The following AFG3L2 variants were observed in gnomAD, a reference collection of about 807,000 sequenced individuals.
AFG3L2 encodes AFG3 like matrix AAA peptidase subunit 2, also known as mitochondrial inner membrane m-AAA protease component AFG3L2.
In AFG3L2, 54 loss-of-function variants were observed where a neutral mutation model predicts 94.5. That is an observed-to-expected ratio of 0.57 (90% CI 0.46 to 0.72). The LOEUF is 0.72. Ranked by LOEUF, AFG3L2 falls within the 30% of genes least tolerant of loss-of-function variation. AFG3L2 has a pLI of 0.00. For missense variants in AFG3L2, 754 were observed against 994.9 expected (o/e 0.76, Z 3.26); for synonymous variants, 377 against 365.5 (o/e 1.03, Z -0.36).
chr18:12,337,557 G>T, intron 15 of AFG3L2, 22 bp from the exon 16 acceptor site: 3 of 1,610,666 alleles, frequency 1.9e-6, no homozygotes, highest in East Asian at 2.2e-5. Flanking sequence ...ATAATTAGTG[G>T]TGATTACATA....
At chr18:12,331,188 C>A (rs551896747) in intron 16 of AFG3L2, among the ~76,000 whole-genome samples, 1 of 152,174 alleles carries the variant, frequency 6.6e-6, no homozygotes, top group Non-Finnish European at 1.5e-5. Context: ...CAGTCACATG[C>A]GAGCAGGTAT....
chr18:12,369,547 A>G (rs1292967213), intron 3 of AFG3L2, among the ~76,000 whole-genome samples: 1 of 151,580 alleles, frequency 6.6e-6, no homozygotes, highest in Non-Finnish European at 1.5e-5. Flanking sequence ...CTTGGCCAAC[A>G]TGGTGAAACC....
rs767868939 is a variant in AFG3L2, at chr18:12,351,140, G to C, written c.1497C>G (p.Thr499=). 3.7e-6 allele frequency: 6 copies of C among 1,613,844 alleles called. No homozygotes were observed. The highest frequency in any genetic ancestry group is 4.2e-6 in the Non-Finnish European group (5 of 1,180,012). The change falls in exon 12 of 17, where the codon ACC becomes ACG. Residue 499 remains threonine, a synonymous_variant. Coordinates refer to ENST00000269143, the MANE Select transcript of AFG3L2 (RefSeq NM_006796.3). ...VHLRPLKLDS[T]LEKDKLARKL... ...TTCTTGCCAATTTATCCTTCTCCAG[G>C]GTACTGTCCAGTTTTAGCGGTCGGA...
chr18:12,354,979 G>A (rs1007539957), intron 9 of AFG3L2, among the ~76,000 whole-genome samples: 12 of 152,054 alleles, frequency 7.9e-5, no homozygotes, highest in Non-Finnish European at 1.6e-4. Context: ...CTTTAGGAGG[G>A]CAAGGCAGGG....
rs1478579517 is a variant in AFG3L2 at position 12,340,386 on chromosome 18, G to A, written c.1795C>T (p.Arg599Cys). ...TGAGCATAACCTAGTCCTTTGCCACGTGGGATGATGGATACCTGGTAAGTA... is the reference window on the plus strand; with the variant it reads ...TGAGCATAACCTAGTCCTTTGCCACATGGGATGATGGATACCTGGTAAGTA... ...DPLLKVSIIP[R>C]GKGLGYAQYL... Residue 599 changes from arginine (R) to cysteine (C), a missense_variant, in exon 15 of 17, where the codon CGT becomes TGT. Coordinates refer to ENST00000269143, the MANE Select transcript of AFG3L2 (RefSeq NM_006796.3). 9.9e-6 allele frequency: 16 copies of A among 1,613,574 alleles called. No homozygotes were observed. The highest frequency in any genetic ancestry group is 1.7e-5 in the Admixed American group (1 of 60,004).
intron 6 of AFG3L2, 86 bp downstream of exon 6, chr18:12,363,696 A>C: frequency 9.5e-7 from 1 of 1,056,160 alleles, no homozygotes; most frequent in South Asian, 1.3e-5. Flanking sequence ...TATAACTCCT[A>C]GAGTATGAGG....
chr18:12,334,641 T>C (rs985696241), intron 16 of AFG3L2, among the ~76,000 whole-genome samples: 9 of 152,300 alleles, frequency 5.9e-5, no homozygotes, highest in African/African-American at 1.2e-4. Context: ...GTCTTGGTTT[T>C]ACAGCTCTGC....
intron 9 of AFG3L2, among the ~76,000 whole-genome samples, chr18:12,354,132 ACCC>A (rs1555672008): frequency 1.8e-5 from 1 of 55,840 alleles, no homozygotes; most frequent in Non-Finnish European, 3.4e-5. Context: ...GCCCACTCCC[ACCC>A]CCCCCCCCCC....
At chr18:12,330,203 G>A (rs1907475425) in intron 16 of AFG3L2, among the ~76,000 whole-genome samples, 1 of 152,196 alleles carries the variant, frequency 6.6e-6, no homozygotes, top group Admixed American at 6.5e-5. Context: ...GTGTGCGCCT[G>A]TAGTCCCAGC....
At chr18:12,366,938 C>G (rs16977144) in intron 5 of AFG3L2, 27 bp downstream of exon 5, 1 of 1,613,586 alleles carries the variant, frequency 6.2e-7, no homozygotes, top group Non-Finnish European at 8.5e-7. Flanking sequence ...TGAACCACAA[C>G]AGCCACCAAT....
chr18:12,329,916 G>C, intron 16 of AFG3L2, 133 bp from the exon 17 acceptor site: 1 of 791,222 alleles, frequency 1.3e-6, no homozygotes. Context: ...TCATACATAA[G>C]GTTGCATAGT....
intron 6 of AFG3L2, among the ~76,000 whole-genome samples, chr18:12,360,830 C>G (rs777369312): frequency 1.6e-4 from 25 of 152,300 alleles, no homozygotes; most frequent in African/African-American, 6.0e-4. Flanking sequence ...AGGCTGGGAT[C>G]TGAACCCAGA....
rs377249792 is a variant in AFG3L2 at position 12,360,046 on chromosome 18, G to A, written c.633C>T (p.Tyr211=). The A allele has an allele frequency of 9.9e-6, 16 of 1,613,592 alleles. No individual in the cohort carries two copies. Among genetic ancestry groups the A allele is most frequent in the East Asian group, 2.2e-5 (1 of 44,896 alleles). ...TPGKTPVDGQ[Y]VWFNIGSVDT... The stretch of plus-strand genomic sequence containing the variant: ...CCACACTGCCAATATTAAACCAAAC[G>A]TATTGCTATAAAAACAAAAAAACAA... Residue 211 remains tyrosine (Y), a synonymous_variant, in exon 7 of 17, where the codon TAC becomes TAT. Transcript: ENST00000269143.
intron 16 of AFG3L2, among the ~76,000 whole-genome samples, chr18:12,333,298 ATATAT>A (rs1381457546): frequency 1.5e-5 from 2 of 130,918 alleles, no homozygotes; most frequent in Non-Finnish European, 3.1e-5. Flanking sequence ...ATATATAAAT[ATATAT>A]TATATATTAT....
At chr18:12,333,037 T>G (rs1195171036) in intron 16 of AFG3L2, among the ~76,000 whole-genome samples, 1 of 47,620 alleles carries the variant, frequency 2.1e-5, no homozygotes, top group African/African-American at 5.6e-5. Flanking sequence ...TATAAAAATA[T>G]ATAATCTATT....
At position 12,351,427 on chromosome 18, in the gene AFG3L2, A is replaced by C. The variant is rs771360106; in HGVS notation, c.1319-14T>G. 6.2e-7 allele frequency: 1 copy of C among 1,611,514 alleles called. No individual in the cohort carries two copies. ...TTGTATTAAAACCTGAAAGATAACA[A>C]AAATGCAAACACTATTAAATGACAA... On this transcript the variant is annotated splice_polypyrimidine_tract_variant and intron_variant, in intron 10 of 16. Coordinates refer to ENST00000269143, the MANE Select transcript of AFG3L2 (RefSeq NM_006796.3).
At chr18:12,370,054 CAAAAAAAAAAAA>C (rs796293157) in intron 3 of AFG3L2, among the ~76,000 whole-genome samples, 3 of 36,004 alleles carry the variant, frequency 8.3e-5, no homozygotes, top group African/African-American at 2.1e-4. Context: ...GACTCTGTCT[CAAAAAAAAAAAA>C]AAAAAAAAAA....
At chr18:12,354,130 CCA>C (rs1481713859) in intron 9 of AFG3L2, among the ~76,000 whole-genome samples, 200 of 106,468 alleles carry the variant, frequency 1.9e-3, no homozygotes, top group African/African-American at 5.0e-3. Context: ...CTGCCCACTC[CCA>C]CCCCCCCCCC....
At chr18:12,372,184 A>G (rs1374335989) in intron 1 of AFG3L2, among the ~76,000 whole-genome samples, 1 of 152,130 alleles carries the variant, frequency 6.6e-6, no homozygotes, top group Admixed American at 6.5e-5. Context: ...GGTGCCTGTA[A>G]TCCTAGCTAC....
Sources: allele counts gnomAD v4.1 joint callset (sites outside exome capture counted in the v4.1 genomes callset), GRCh38; gene constraint gnomAD v4.1.1; transcripts MANE v1.5; gene names NCBI Gene and HGNC (gene_info 2026-07-23, HGNC 2026-07-21).